Variants in MTSS1 observed in about 807,000 individuals in gnomAD.
The protein encoded by MTSS1 is protein MTSS 1.
A neutral mutation model predicts 79.0 loss-of-function variants in MTSS1; 18 were observed. That is an observed-to-expected ratio of 0.23 (90% confidence interval 0.16 to 0.34). MTSS1 has a LOEUF of 0.34. Ranked by LOEUF, MTSS1 falls within the 10% of genes least tolerant of loss-of-function variation. The pLI is 1.00. For missense variants in MTSS1, 815 were observed against 986.2 expected (o/e 0.83, Z 2.33); for synonymous variants, 341 against 368.6 (o/e 0.93, Z 0.86).
At chr8:124,670,918 C>A (rs1288501072) in intron 3 of MTSS1, among the ~76,000 whole-genome samples, 1 of 152,140 alleles carries the variant, frequency 6.6e-6, no homozygotes, top group Non-Finnish European at 1.5e-5. Context: ...AAGGCCAGGT[C>A]AACCAAAAGA....
chr8:124,698,727 G>A (rs1161585449), intron 3 of MTSS1, among the ~76,000 whole-genome samples: 1 of 152,054 alleles, frequency 6.6e-6, no homozygotes, highest in Non-Finnish European at 1.5e-5. Flanking sequence ...GGCCAGGCTG[G>A]TCTCAAACTC....
At chr8:124,709,005 T>C (rs1366089618) in intron 1 of MTSS1, among the ~76,000 whole-genome samples, 1 of 151,978 alleles carries the variant, frequency 6.6e-6, no homozygotes, top group African/African-American at 2.4e-5. Context: ...TCCAGATATT[T>C]TTGTAAGTTT....
intron 11 of MTSS1, 21 bp from the exon 12 acceptor site, chr8:124,556,426 C>A: frequency 1.9e-6 from 3 of 1,588,596 alleles, no homozygotes; most frequent in South Asian, 2.3e-5. Flanking sequence ...CAAGTGCGGT[C>A]AGGAGCCAGG....
intron 3 of MTSS1, among the ~76,000 whole-genome samples, chr8:124,654,952 G>C (rs542743570): frequency 2.0e-5 from 3 of 152,300 alleles, no homozygotes; most frequent in African/African-American, 7.2e-5. Context: ...TTCCAATGCC[G>C]AAACTTCTAA....
chr8:124,591,492 T>G (rs1186728712), intron 3 of MTSS1, among the ~76,000 whole-genome samples: 1 of 152,274 alleles, frequency 6.6e-6, no homozygotes, highest in East Asian at 1.9e-4. Context: ...TCTGTTAGTT[T>G]CTATTCCATC....
chr8:124,695,442 A>AC (rs960685831), intron 3 of MTSS1, among the ~76,000 whole-genome samples: 4 of 152,228 alleles, frequency 2.6e-5, no homozygotes, highest in African/African-American at 9.6e-5. Flanking sequence ...GTCACGGCCT[A>AC]CACCAACCCT....
At chr8:124,622,917 C>A (rs1165002636) in intron 3 of MTSS1, among the ~76,000 whole-genome samples, 1 of 152,086 alleles carries the variant, frequency 6.6e-6, no homozygotes, top group African/African-American at 2.4e-5. Context: ...CACAAACACA[C>A]AAAAGACAAT....
At chr8:124,665,943 T>A (rs1488354502) in intron 3 of MTSS1, among the ~76,000 whole-genome samples, 1 of 151,806 alleles carries the variant, frequency 6.6e-6, no homozygotes, top group Non-Finnish European at 1.5e-5. Flanking sequence ...CTGATGAGTC[T>A]CACGATTTTG....
At chr8:124,675,685 T>C (rs1825155551) in intron 3 of MTSS1, among the ~76,000 whole-genome samples, 1 of 152,194 alleles carries the variant, frequency 6.6e-6, no homozygotes, top group South Asian at 2.1e-4. Context: ...TCTGGCAACC[T>C]GGAAACTGCT....
rs887179818 is a variant in MTSS1 at position 124,727,455 on chromosome 8, G to C, written c.72+429C>G. 2.3e-6 allele frequency: 1 copy of C among 431,358 alleles called. No homozygotes were observed. The allele number at this position is 431,358 out of a possible 1,614,324, so 26.7% of individuals were successfully genotyped here. Reference sequence around the variant, plus strand: ...GGGGACTCCTTCCTGCGAGCGGGCAGAGCCCCCACTTCCTCCCCACCACCG... The same window carrying C: ...GGGGACTCCTTCCTGCGAGCGGGCACAGCCCCCACTTCCTCCCCACCACCG... On this transcript the variant is annotated intron_variant, in intron 1 of 13. Coordinates refer to ENST00000518547, the MANE Select transcript of MTSS1 (RefSeq NM_014751.6). This position sits in a 1 kb window ranked among gnomAD's most constrained non-coding sequence, Gnocchi z 4.7.
At chr8:124,658,266 C>G (rs745769359) in intron 3 of MTSS1, among the ~76,000 whole-genome samples, 2 of 152,140 alleles carry the variant, frequency 1.3e-5, no homozygotes, top group Non-Finnish European at 2.9e-5. Flanking sequence ...GTGGTTTCCC[C>G]TATACTGTTA....
chr8:124,683,285 AC>A lies in MTSS1; in HGVS notation c.208+16240del, dbSNP rs1280404207. Among the ~76,000 whole-genome samples, 6 of 152,234 alleles carry A rather than the reference AC, an allele frequency of 3.9e-5. No individual in the cohort carries two copies. Among genetic ancestry groups the A allele is most frequent in the Non-Finnish European group, 8.8e-5 (6 of 68,040 alleles). The stretch of plus-strand genomic sequence containing the variant: ...ATGAAATTTAAAAAATGGAAGAAAA[AC>A]AATGACCCCAAAATCCTCATTCAAG... On this transcript the variant is annotated intron_variant, in intron 3 of 13. Transcript: ENST00000518547. This position sits in a 1 kb window ranked among gnomAD's most constrained non-coding sequence, Gnocchi z 4.5.
At chr8:124,615,915 CTGGTCA>C (rs560597331) in intron 3 of MTSS1, among the ~76,000 whole-genome samples, 1,913 of 152,294 alleles carry the variant, frequency 0.013, 20 homozygotes, top group Non-Finnish European at 0.02. Flanking sequence ...CACCCTTCTC[CTGGTCA>C]GTGCCCCAGA....
rs150385978 is a variant in MTSS1 at position 124,582,146 on chromosome 8, A to G, written c.460+2941T>C. ...CTGGCTAACTCCTTGCCTCGTGTTTACTTCTAGTAGGCATCTGACAAGCTT... is the reference window on the plus strand; with the variant it reads ...CTGGCTAACTCCTTGCCTCGTGTTTGCTTCTAGTAGGCATCTGACAAGCTT... On this transcript the variant is annotated intron_variant, in intron 6 of 13. Coordinates refer to ENST00000518547, the MANE Select transcript of MTSS1 (RefSeq NM_014751.6). The surrounding 1 kb of genome is among the most constrained non-coding windows in gnomAD (Gnocchi z 4.8). Among the ~76,000 whole-genome samples the G allele has an allele frequency of 6.6e-6, 1 of 152,262 alleles. No individual in the cohort carries two copies. The highest frequency in any genetic ancestry group is 2.4e-5 in the African/African-American group (1 of 41,556).
At chr8:124,585,277 T>A (rs914801162) in intron 5 of MTSS1, 116 bp from the exon 6 acceptor site, 5 of 748,476 alleles carry the variant, frequency 6.7e-6, no homozygotes, top group Non-Finnish European at 4.6e-6. Flanking sequence ...ATGCCGTCAA[T>A]GGCTTTATCA....
intron 3 of MTSS1, among the ~76,000 whole-genome samples, chr8:124,625,824 T>G (rs759113814): frequency 5.3e-5 from 8 of 152,210 alleles, no homozygotes; most frequent in Non-Finnish European, 1.2e-4. Flanking sequence ...CACATCCATT[T>G]TCATGAGCAA....
chr8:124,702,658 C>G (rs944541298), intron 2 of MTSS1, among the ~76,000 whole-genome samples: 1 of 152,086 alleles, frequency 6.6e-6, no homozygotes, highest in Non-Finnish European at 1.5e-5. Flanking sequence ...GGCAAAGGCC[C>G]GAGAGCATCA....
intron 3 of MTSS1, among the ~76,000 whole-genome samples, chr8:124,638,725 C>T (rs1247903251): frequency 3.3e-5 from 5 of 152,172 alleles, no homozygotes; most frequent in Non-Finnish European, 7.3e-5. Flanking sequence ...CAGAGTAACA[C>T]CCATCACAGA....
intron 6 of MTSS1, among the ~76,000 whole-genome samples, chr8:124,578,386 C>T (rs2132361192): frequency 6.6e-6 from 1 of 152,190 alleles, no homozygotes; most frequent in Admixed American, 6.5e-5. Context: ...TTGAATATCC[C>T]CTCCTCATTC....
Sources: gnomAD v4.1 joint callset for allele counts (sites outside exome capture counted in the v4.1 genomes callset) on GRCh38, gnomAD v4.1.1 for gene constraint, Gnocchi (gnomAD v3.1) non-coding constraint, MANE v1.5 for transcripts, NCBI Gene and HGNC (gene_info 2026-07-23, HGNC 2026-07-21) for gene names.